Variants in CREG2 observed in about 807,000 individuals in gnomAD.
CREG2 encodes the protein protein CREG2.
CREG2 carries 24 observed loss-of-function variants against 26.2 expected under a neutral mutation model. The observed-to-expected ratio is 0.92, with a 90% confidence interval of 0.66 to 1.29. CREG2 has a LOEUF of 1.29. CREG2 is among the 50% of genes most tolerant of loss of function. The probability of loss-of-function intolerance (pLI) is 0.00; values close to 1 mark genes in which losing one functional copy is unlikely to be tolerated. For synonymous variants in CREG2, 174 were observed against 169.2 expected, an observed-to-expected ratio of 1.03 and a Z score of -0.22; for missense variants, 366 against 398.6, an observed-to-expected ratio of 0.92 and a Z score of 0.70.
intron 2 of CREG2, among the ~76,000 whole-genome samples, chr2:101,357,830 C>A: frequency 6.6e-6 from 1 of 151,666 alleles, no homozygotes; most frequent in Non-Finnish European, 1.5e-5. Context: ...CTGAGGTCCT[C>A]TGGTCTCAAG....
At chr2:101,378,574 C>G (rs533895204) in intron 2 of CREG2, among the ~76,000 whole-genome samples, 2 of 152,334 alleles carry the variant, frequency 1.3e-5, no homozygotes, top group South Asian at 4.1e-4. Context: ...CTGTGCTCAC[C>G]TATTCCTTCT....
At chr2:101,384,856 A>G (rs887891693) in intron 1 of CREG2, among the ~76,000 whole-genome samples, 5 of 152,094 alleles carry the variant, frequency 3.3e-5, no homozygotes, top group African/African-American at 9.7e-5. Context: ...GCCAGACCCC[A>G]TCTATAAAAT....
chr2:101,352,700 C>A (rs1558812873), intron 3 of CREG2, among the ~76,000 whole-genome samples: 2 of 152,104 alleles, frequency 1.3e-5, no homozygotes, highest in African/African-American at 4.8e-5. Context: ...CCCAGCTACT[C>A]GGAAGTCTGA....
intron 1 of CREG2, among the ~76,000 whole-genome samples, chr2:101,386,037 T>C (rs1454333494): frequency 6.6e-6 from 1 of 152,248 alleles, no homozygotes; most frequent in African/African-American, 2.4e-5. Flanking sequence ...GTGTTGAGAA[T>C]ATCCAACTGG....
Position 101,387,305 on chromosome 2 carries a change from G to T in CREG2, c.153C>A (p.Asp51Glu), listed in dbSNP as rs1388940090. 1 of 1,494,542 alleles carries T rather than the reference G, an allele frequency of 6.7e-7. No individual in the cohort carries two copies. Among genetic ancestry groups the T allele is most frequent in the Non-Finnish European group, 9.0e-7 (1 of 1,115,916 alleles). The allele number at this position is 1,494,542 out of a possible 1,614,324, so 92.6% of individuals were successfully genotyped here. A position where few individuals can be genotyped will look rare whatever the true frequency, so the allele number is the denominator to read the frequency against. ...GCATAGCCTCCTCAGTGGAGGCGCT[G>T]TCCAGCTCCTCGTCCACCTCGTTGG... Reference protein sequence around the residue: ...AVTNEVDEELDSASTEEAMPA... With the variant: ...AVTNEVDEELESASTEEAMPA... Residue 51 changes from aspartate (D) to glutamate (E), a missense_variant, in exon 1 of 4, where the codon GAC becomes GAA. By Grantham distance (45) the Asp-to-Glu change is conservative. Coordinates refer to ENST00000324768, the MANE Select transcript of CREG2 (RefSeq NM_153836.4). The surrounding 1 kb of genome is among the most constrained non-coding windows in gnomAD (Gnocchi z 4.7).
intron 2 of CREG2, among the ~76,000 whole-genome samples, chr2:101,377,734 A>T (rs1684813953): frequency 1.3e-5 from 2 of 152,148 alleles, no homozygotes; most frequent in Non-Finnish European, 2.9e-5. Flanking sequence ...CCCCTAATTC[A>T]TCTCATTAAT....
At chr2:101,365,045 T>C (rs1483303610) in intron 2 of CREG2, among the ~76,000 whole-genome samples, 1 of 151,728 alleles carries the variant, frequency 6.6e-6, no homozygotes, top group African/African-American at 2.4e-5. Flanking sequence ...AAATCTGGAG[T>C]GTGGGTGGTG....
At chr2:101,355,565 A>G (rs6543034) in intron 2 of CREG2, among the ~76,000 whole-genome samples, 199 bp from the exon 3 acceptor site, 123,053 of 151,632 alleles carry the variant, frequency 0.81, 50,968 homozygotes, top group East Asian at 1. Context: ...AGGTGTGCTT[A>G]TGTAGGTTAG....
At position 101,355,289 on chromosome 2, in the gene CREG2, T is replaced by G; in HGVS notation, c.689A>C (p.Glu230Ala). 1 of 1,613,860 alleles carries G rather than the reference T, an allele frequency of 6.2e-7. No individual in the cohort carries two copies. The highest frequency in any genetic ancestry group is 8.5e-7 in the Non-Finnish European group (1 of 1,179,750). Residue 230 changes from glutamate to alanine, a missense_variant, in exon 3 of 4, where the codon GAA becomes GCA. By Grantham distance (107) the Glu-to-Ala change is moderately radical. Around this residue, in one of 3 missense-constraint regions of CREG2, gnomAD observed 174 missense variants for 178.2 expected, o/e 0.98. Transcript: ENST00000324768. Reference protein sequence around the residue: ...LTGQMIAVSPEEVEFAKQAMF... With the variant: ...LTGQMIAVSPAEVEFAKQAMF... ...GGCTTGCTTGGCAAATTCTACTTCT[T>G]CTGGAGACACTGCGATCATCTGGCC...
In CREG2 at chr2:101,387,053, G is replaced by T. The variant is rs1684981655; in HGVS notation, c.405C>A (p.Val135=). 4 of 1,232,914 alleles carry T rather than the reference G, an allele frequency of 3.2e-6. No individual in the cohort carries two copies. The highest frequency in any genetic ancestry group is 4.0e-6 in the Non-Finnish European group (4 of 989,032). 76.4% of individuals were successfully genotyped at this position (1,232,914 alleles called of 1,614,324 possible). ...ATARSLAHAS[V]WGCLATVSTH... is the part of the protein sequence containing the mutation. ...TGGACACGGTGGCCAGGCAGCCCCA[G>T]ACGCTGGCATGGGCCAGGGAGCGGG... The change falls in exon 1 of 4, where the codon GTC becomes GTA. Residue 135 remains valine, a synonymous_variant. Transcript: ENST00000324768. This position sits in a 1 kb window ranked among gnomAD's most constrained non-coding sequence, Gnocchi z 4.7.
chr2:101,385,176 T>A (rs1684946418), intron 1 of CREG2, among the ~76,000 whole-genome samples: 1 of 152,184 alleles, frequency 6.6e-6, no homozygotes. Flanking sequence ...TTATTTATTT[T>A]ATTAGTATTA....
chr2:101,382,382 C>A (rs113343450), intron 2 of CREG2: 66,224 of 570,080 alleles, frequency 0.12, 4,183 homozygotes, highest in Middle Eastern at 0.15. Context: ...ACCGAGATTG[C>A]GCCACTGCAC....
intron 2 of CREG2, among the ~76,000 whole-genome samples, chr2:101,355,818 G>A (rs1684449134): frequency 6.6e-6 from 1 of 152,106 alleles, no homozygotes; most frequent in Non-Finnish European, 1.5e-5. Flanking sequence ...AATGAACCCT[G>A]TACCAAGTTG....
At chr2:101,370,597 G>T (rs969109163) in intron 2 of CREG2, among the ~76,000 whole-genome samples, 10 of 152,168 alleles carry the variant, frequency 6.6e-5, no homozygotes, top group Non-Finnish European at 1.0e-4. Context: ...TTTAACTGTG[G>T]ATCAGGAGTA....
chr2:101,362,823 T>A (rs1324684376), intron 2 of CREG2, among the ~76,000 whole-genome samples: 1 of 152,186 alleles, frequency 6.6e-6, no homozygotes, highest in African/African-American at 2.4e-5. Context: ...CCAAGAGGAT[T>A]CAGGTCTCAA....
Position 101,349,360 on chromosome 2 carries a change from C to T in CREG2, c.*1563G>A, listed in dbSNP as rs1282272685. The T allele has an allele frequency of 1.3e-5, 2 of 152,520 alleles. No individual in the cohort carries two copies. The highest frequency in any genetic ancestry group is 2.9e-5 in the Non-Finnish European group (2 of 68,022). 9.4% of individuals were successfully genotyped at this position (152,520 alleles called of 1,614,324 possible). A position where few individuals can be genotyped will look rare whatever the true frequency, so the allele number is the denominator to read the frequency against. On this transcript the variant is annotated 3_prime_UTR_variant, in exon 4 of 4. Coordinates refer to ENST00000324768, the MANE Select transcript of CREG2 (RefSeq NM_153836.4). ...TCTCTGCATCTTACTATGTTTTTAG[C>T]AATAGATAATTAAAATATATTTTGA...
intron 2 of CREG2, among the ~76,000 whole-genome samples, chr2:101,383,298 A>G (rs969025919): frequency 2.0e-5 from 3 of 152,184 alleles, no homozygotes; most frequent in Admixed American, 6.5e-5. Context: ...GGAGGCAAAG[A>G]TTATTATTCC....
intron 2 of CREG2, among the ~76,000 whole-genome samples, chr2:101,367,079 G>A (rs886530449): frequency 6.6e-6 from 1 of 152,126 alleles, no homozygotes; most frequent in African/African-American, 2.4e-5. Flanking sequence ...AGGGATAAAT[G>A]TATGTGTTTA....
At chr2:101,377,352 C>A (rs987053739) in intron 2 of CREG2, among the ~76,000 whole-genome samples, 1 of 152,052 alleles carries the variant, frequency 6.6e-6, no homozygotes, top group Non-Finnish European at 1.5e-5. Context: ...TGATCCAATA[C>A]GATCAGGGAG....
Sources: gnomAD v4.1 joint callset for allele counts (sites outside exome capture counted in the v4.1 genomes callset) on GRCh38, gnomAD v4.1.1 for gene constraint, gnomAD v4.1.1 regional missense constraint, Gnocchi (gnomAD v3.1) non-coding constraint, MANE v1.5 for transcripts, NCBI Gene and HGNC (gene_info 2026-07-23, HGNC 2026-07-21) for gene names.